Variants in SORCS1 observed in about 807,000 individuals in gnomAD.
SORCS1 encodes the protein sortilin related VPS10 domain containing receptor 1.
Under a neutral mutation model 146.1 loss-of-function variants are expected in SORCS1, and 60 were observed. The ratio of observed to expected loss-of-function variants is 0.41; its 90% CI spans 0.33 to 0.51. The LOEUF is 0.51. Ranked by LOEUF, SORCS1 falls within the 20% of genes least tolerant of loss-of-function variation. The pLI is 0.21. For synonymous variants in SORCS1, 637 were observed against 584.0 expected (o/e 1.09, Z -1.31); for missense variants, 1,352 against 1,487.6 (o/e 0.91, Z 1.50).
At chr10:107,088,959 C>A (rs900542260) in intron 1 of SORCS1, among the ~76,000 whole-genome samples, 2 of 149,502 alleles carry the variant, frequency 1.3e-5, no homozygotes, top group Non-Finnish European at 2.9e-5. Context: ...TTATTTGTTT[C>A]TATTATTAAT....
At chr10:106,723,464 T>C (rs1855924691) in intron 6 of SORCS1, among the ~76,000 whole-genome samples, 1 of 152,048 alleles carries the variant, frequency 6.6e-6, no homozygotes, top group South Asian at 2.1e-4. Flanking sequence ...TGAGGACCTG[T>C]CAATTTGTCT....
chr10:106,972,345 C>T (rs1231364687), intron 1 of SORCS1, among the ~76,000 whole-genome samples: 2 of 146,844 alleles, frequency 1.4e-5, no homozygotes, highest in Non-Finnish European at 3.0e-5. Flanking sequence ...CGCACCACTA[C>T]ACTCCAGCCT....
At position 107,060,975 on chromosome 10, in the gene SORCS1, T is replaced by C. The variant is rs2134114456; in HGVS notation, c.558+102994A>G. Among the ~76,000 whole-genome samples, 1 of 152,310 alleles carries C rather than the reference T, an allele frequency of 6.6e-6. No homozygotes were observed. Among genetic ancestry groups the C allele is most frequent in the African/African-American group, 2.4e-5 (1 of 41,582 alleles). Reference sequence around the variant, plus strand: ...TTTCCAAGTTAAATAAAAAAATTTATCTTCTGTTTCTACTCCAGCCAGATA... The same window carrying C: ...TTTCCAAGTTAAATAAAAAAATTTACCTTCTGTTTCTACTCCAGCCAGATA... On this transcript the variant is annotated intron_variant, in intron 1 of 25. Transcript: ENST00000263054. This position sits in a 1 kb window ranked among gnomAD's most constrained non-coding sequence, Gnocchi z 4.1.
intron 1 of SORCS1, among the ~76,000 whole-genome samples, chr10:107,070,144 A>T (rs146732807): frequency 6.6e-6 from 1 of 152,360 alleles, no homozygotes; most frequent in African/African-American, 2.4e-5. Context: ...TTCATGCTGT[A>T]GTATGTATCA....
rs776564036 is a variant in SORCS1, at chr10:106,652,464, C to T, written c.2393G>A (p.Arg798Gln). Residue 798 changes from arginine (R) to glutamine (Q), a missense_variant, in exon 18 of 26, where the codon CGG becomes CAG. Physicochemically the swap from Arg to Gln is conservative, Grantham distance 43. Around this residue, in one of 3 missense-constraint regions of SORCS1, gnomAD observed 648 missense variants for 793.8 expected, o/e 0.82. Coordinates refer to ENST00000263054, the MANE Select transcript of SORCS1 (RefSeq NM_052918.5). The stretch of plus-strand genomic sequence containing the variant: ...ATCAGCCGTGACTATCCGCAGCCCC[C>T]GCGGGGCTTTCCCTGGGCACTTCTG... ...KPQKCPGKAP[R>Q]GLRIVTADGK... The T allele has an allele frequency of 1.2e-5, 19 of 1,614,016 alleles. No individual in the cohort carries two copies. Among genetic ancestry groups the T allele is most frequent in the South Asian group, 6.6e-5 (6 of 91,088 alleles).
intron 1 of SORCS1, among the ~76,000 whole-genome samples, chr10:106,989,061 C>A: frequency 6.6e-6 from 1 of 150,458 alleles, no homozygotes. Context: ...GAGTTTGAGA[C>A]CAGCTTGACC....
At chr10:107,082,413 A>C (rs1215147933) in intron 1 of SORCS1, among the ~76,000 whole-genome samples, 3 of 152,136 alleles carry the variant, frequency 2.0e-5, no homozygotes, top group African/African-American at 7.2e-5. Flanking sequence ...TCAAAGGTGA[A>C]GACTTTTGTT....
intron 1 of SORCS1, among the ~76,000 whole-genome samples, chr10:107,097,235 G>A (rs1464275185): frequency 1.3e-5 from 2 of 152,192 alleles, no homozygotes; most frequent in Non-Finnish European, 2.9e-5. Flanking sequence ...TTTTTAACAA[G>A]TGAATGAGAA....
chr10:106,940,908 A>C (rs1029432983), intron 2 of SORCS1, among the ~76,000 whole-genome samples: 1 of 152,180 alleles, frequency 6.6e-6, no homozygotes, highest in Non-Finnish European at 1.5e-5. Context: ...AAAAAAAATT[A>C]TTCTCTGTGT....
intron 1 of SORCS1, among the ~76,000 whole-genome samples, chr10:107,087,450 T>C (rs1963847562): frequency 6.6e-6 from 1 of 152,198 alleles, no homozygotes; most frequent in Non-Finnish European, 1.5e-5. Flanking sequence ...TACATCTACG[T>C]TGATTGGTTC....
At position 107,031,619 on chromosome 10, in the gene SORCS1, G is replaced by A. The variant is rs576947690; in HGVS notation, c.559-75039C>T. 2.0e-3 allele frequency among the ~76,000 whole-genome samples: 303 copies of A among 151,400 alleles called. 1 individual carries two copies. The highest frequency in any genetic ancestry group is 3.5e-3 in the South Asian group (17 of 4,792). On this transcript the variant is annotated intron_variant, in intron 1 of 25. Transcript: ENST00000263054. ...TATCTCTCTTTTTTTTTTTTGGTGG[G>A]GGGGAATAGGGTCTCACTTTGTCAC...
chr10:106,883,372 A>G (rs184737703), intron 2 of SORCS1, among the ~76,000 whole-genome samples: 2 of 152,188 alleles, frequency 1.3e-5, no homozygotes, highest in Admixed American at 1.3e-4. Flanking sequence ...TGGGGGCCAT[A>G]GGAGCTAAAG....
At chr10:106,620,262 G>GA in intron 20 of SORCS1, 166 bp downstream of exon 20, 2 of 754,840 alleles carry the variant, frequency 2.6e-6, no homozygotes, top group Non-Finnish European at 4.0e-6. Context: ...GAGAGAGAGA[G>GA]AGAGAACATA....
rs1045929590 is a variant in SORCS1 at position 106,577,094 on chromosome 10, T to C, written c.*326A>G. On this transcript the variant is annotated 3_prime_UTR_variant, in exon 26 of 26. Transcript: ENST00000263054. ...ACAGGCTTAAAGCTAAAAACCCTTGTTGTCTGTGTCTGAAGAATTAAAAAG... is the reference window on the plus strand; with the variant it reads ...ACAGGCTTAAAGCTAAAAACCCTTGCTGTCTGTGTCTGAAGAATTAAAAAG... The C allele has an allele frequency of 4.9e-5, 37 of 760,566 alleles. No individual in the cohort carries two copies. The African/African-American group carries it at 6.4e-4, about 13-fold the overall frequency. The allele number at this position is 760,566 out of a possible 1,614,324, so 47.1% of individuals were successfully genotyped here. A position where few individuals can be genotyped will look rare whatever the true frequency, so the allele number is the denominator to read the frequency against.
intron 6 of SORCS1, among the ~76,000 whole-genome samples, chr10:106,717,891 C>A (rs573901362): frequency 1.3e-5 from 2 of 152,202 alleles, no homozygotes; most frequent in African/African-American, 4.8e-5. Flanking sequence ...TTACTCTGTG[C>A]TAGAAACTTT....
At chr10:107,028,206 G>GA (rs1958491552) in intron 1 of SORCS1, among the ~76,000 whole-genome samples, 1 of 152,162 alleles carries the variant, frequency 6.6e-6, no homozygotes, top group Non-Finnish European at 1.5e-5. Context: ...TCAGATGGTT[G>GA]AAAAGGAATT....
At chr10:107,045,236 C>G (rs935209031) in intron 1 of SORCS1, among the ~76,000 whole-genome samples, 4 of 152,180 alleles carry the variant, frequency 2.6e-5, no homozygotes, top group African/African-American at 7.2e-5. Context: ...ACATCAAACA[C>G]TGAGATTCTG....
At chr10:106,918,751 T>C (rs1459492810) in intron 2 of SORCS1, among the ~76,000 whole-genome samples, 2 of 152,260 alleles carry the variant, frequency 1.3e-5, no homozygotes, top group Non-Finnish European at 2.9e-5. Flanking sequence ...AGTTTTATAC[T>C]TAATTTTACT....
At chr10:106,863,588 T>C (rs1950106747) in intron 2 of SORCS1, among the ~76,000 whole-genome samples, 1 of 132,346 alleles carries the variant, frequency 7.6e-6, no homozygotes, top group Admixed American at 7.4e-5. Context: ...ATAGAGATGA[T>C]TTTTTTTTTT....
Sources: allele counts gnomAD v4.1 joint callset (sites outside exome capture counted in the v4.1 genomes callset), GRCh38; gene constraint gnomAD v4.1.1; regional missense constraint gnomAD v4.1.1; non-coding constraint Gnocchi (gnomAD v3.1); transcripts MANE v1.5; gene names NCBI Gene and HGNC (gene_info 2026-07-23, HGNC 2026-07-21).